GRHL2: variants seen among roughly 807,000 people sequenced by gnomAD.
GRHL2 encodes grainyhead-like protein 2 homolog.
In GRHL2, 21 loss-of-function variants were observed where a neutral mutation model predicts 83.8. The observed-to-expected ratio is 0.25, with a 90% CI of 0.18 to 0.36. The LOEUF (loss-of-function observed/expected upper bound fraction) is 0.36. Among genes scored for constraint, GRHL2 ranks in the 10% least tolerant of loss-of-function variants. GRHL2 has a pLI of 1.00. For missense variants in GRHL2, 623 were observed against 781.8 expected, an observed-to-expected ratio of 0.80 and a Z score of 2.42; for synonymous variants, 280 against 278.9, an observed-to-expected ratio of 1.00 and a Z score of -0.04.
chr8:101,563,935 G>A (rs1811660880), intron 4 of GRHL2, among the ~76,000 whole-genome samples: 1 of 152,170 alleles, frequency 6.6e-6, no homozygotes, highest in South Asian at 2.1e-4. Context: ...TATTCCATTA[G>A]TCACAGAAGA....
intron 14 of GRHL2, among the ~76,000 whole-genome samples, chr8:101,654,068 A>G (rs554084575): frequency 6.6e-5 from 10 of 152,330 alleles, no homozygotes; most frequent in African/African-American, 2.4e-4. Flanking sequence ...ACCGCATCGC[A>G]GCGGATTTTA....
Position 101,658,129 on chromosome 8 carries a change from G to C in GRHL2, c.1699-6325G>C, listed in dbSNP as rs1297367922. Among the ~76,000 whole-genome samples, 4 of 152,200 alleles carry C rather than the reference G, an allele frequency of 2.6e-5. No homozygotes were observed. The South Asian group carries it at 6.2e-4, about 24-fold the overall frequency. On this transcript the variant is annotated intron_variant, in intron 14 of 15. Coordinates refer to ENST00000646743, the MANE Select transcript of GRHL2 (RefSeq NM_024915.4). The stretch of plus-strand genomic sequence containing the variant: ...CATGCAGGCAGGGAACACTGTCCCA[G>C]GGTGGCACATTTGCAAGCTGCCTTT...
chr8:101,546,720 T>A (rs1454716992), intron 2 of GRHL2, among the ~76,000 whole-genome samples: 1 of 152,150 alleles, frequency 6.6e-6, no homozygotes, highest in Non-Finnish European at 1.5e-5. Flanking sequence ...AGTCCATAAT[T>A]AGTAATTTAT....
Position 101,612,349 on chromosome 8 carries a change from G to A in GRHL2, c.1099-7190G>A, listed in dbSNP as rs113218598. 1.1e-3 allele frequency among the ~76,000 whole-genome samples: 160 copies of A among 150,842 alleles called. 13 individuals carry two copies. Among genetic ancestry groups the A allele is most frequent in the Middle Eastern group, 6.8e-3 (2 of 292 alleles). On this transcript the variant is annotated intron_variant, in intron 8 of 15. Coordinates refer to ENST00000646743, the MANE Select transcript of GRHL2 (RefSeq NM_024915.4). ...AGTATTCAATTTAATATCTAATTAC[G>A]TACCTTCTACAACAGTGAATACTGT...
chr8:101,638,501 C>T (rs1185430695), intron 12 of GRHL2, among the ~76,000 whole-genome samples: 2 of 152,180 alleles, frequency 1.3e-5, no homozygotes, highest in African/African-American at 2.4e-5. Context: ...GGCTTCTTTG[C>T]TGCTACAGCA....
chr8:101,516,316 C>T (rs893555102), intron 1 of GRHL2, among the ~76,000 whole-genome samples: 4 of 151,786 alleles, frequency 2.6e-5, no homozygotes, highest in African/African-American at 7.2e-5. Context: ...TCAAATCATA[C>T]TTAAAACAAT....
At chr8:101,608,273 G>C (rs1586139934) in intron 8 of GRHL2, among the ~76,000 whole-genome samples, 1 of 152,206 alleles carries the variant, frequency 6.6e-6, no homozygotes, top group African/African-American at 2.4e-5. Flanking sequence ...CTAACCTTAG[G>C]CTGTCTGGTT....
At chr8:101,677,676 T>C in the GRHL2 span, among the ~76,000 whole-genome samples, 1 of 152,070 alleles carries the variant, frequency 6.6e-6, no homozygotes, top group Admixed American at 6.5e-5. Flanking sequence ...TTTAAGGAAC[T>C]ATACAATGTC....
In GRHL2 at chr8:101,577,484, G is replaced by A. The variant is rs140348170; in HGVS notation, c.968G>A (p.Arg323Gln). The A allele has an allele frequency of 1.2e-6, 2 of 1,613,964 alleles. No individual in the cohort carries two copies. The highest frequency in any genetic ancestry group is 1.7e-6 in the Non-Finnish European group (2 of 1,179,898). ...QLKYWKYWHS[R>Q]QHTAKQRVLD... Reference sequence around the variant, plus strand: ...AAATACTGGAAATACTGGCACTCTCGGCAGCATACGGCGAAGCAGAGGGTC... The same window carrying A: ...AAATACTGGAAATACTGGCACTCTCAGCAGCATACGGCGAAGCAGAGGGTC... The change falls in exon 7 of 16, where the codon CGG (arginine) becomes CAG (glutamine). Residue 323 changes from arginine (R) to glutamine (Q), a missense_variant. Around this residue, in one of 8 missense-constraint regions of GRHL2, gnomAD observed 96 missense variants for 144.8 expected, o/e 0.66. Transcript: ENST00000646743.
At chr8:101,657,788 G>A (rs1171577252) in intron 14 of GRHL2, among the ~76,000 whole-genome samples, 1 of 151,124 alleles carries the variant, frequency 6.6e-6, no homozygotes, top group South Asian at 2.1e-4. Context: ...TGCAGTGAGC[G>A]GAGATCCCGC....
At chr8:101,657,421 T>G (rs926731722) in intron 14 of GRHL2, among the ~76,000 whole-genome samples, 1 of 152,162 alleles carries the variant, frequency 6.6e-6, no homozygotes, top group Non-Finnish European at 1.5e-5. Flanking sequence ...TGATGAGATA[T>G]CTCCAAGATC....
intron 3 of GRHL2, among the ~76,000 whole-genome samples, chr8:101,556,898 T>A (rs1230144014): frequency 6.6e-6 from 1 of 152,204 alleles, no homozygotes; most frequent in Admixed American, 6.5e-5. Context: ...CTTTTTTCTT[T>A]TTGTGTTTTA....
chr8:101,514,161 A>G (rs1810522080), intron 1 of GRHL2, among the ~76,000 whole-genome samples: 1 of 152,140 alleles, frequency 6.6e-6, no homozygotes, highest in Non-Finnish European at 1.5e-5. Context: ...TTACATGCTC[A>G]TACCCATATG....
At chr8:101,633,430 C>T (rs1034175990) in intron 11 of GRHL2, among the ~76,000 whole-genome samples, 2 of 152,108 alleles carry the variant, frequency 1.3e-5, no homozygotes, top group Non-Finnish European at 2.9e-5. Context: ...TGGAATTGAC[C>T]TTGGTGTAGA....
At position 101,552,712 on chromosome 8, in the gene GRHL2, C is replaced by T; in HGVS notation, c.217-3C>T. The T allele has an allele frequency of 6.2e-7, 1 of 1,613,952 alleles. No homozygotes were observed. The highest frequency in any genetic ancestry group is 8.5e-7 in the Non-Finnish European group (1 of 1,179,896). ...TCTGACTGATGGTTGGTGATGTTTC[C>T]AGGTTCCTCGAGACAAGAGGCTGCT... On this transcript the variant is annotated splice_polypyrimidine_tract_variant and splice_region_variant and intron_variant, in intron 2 of 15. Transcript: ENST00000646743.
chr8:101,637,242 A>T lies in GRHL2; in HGVS notation c.1517+314A>T, dbSNP rs567909770. Among the ~76,000 whole-genome samples, 176 of 152,318 alleles carry T rather than the reference A, an allele frequency of 1.2e-3. 2 individuals carry two copies. The highest frequency in any genetic ancestry group is 3.9e-3 in the African/African-American group (164 of 41,570). On this transcript the variant is annotated intron_variant, in intron 12 of 15. Coordinates refer to ENST00000646743, the MANE Select transcript of GRHL2 (RefSeq NM_024915.4). The stretch of plus-strand genomic sequence containing the variant: ...CTTTCATCAATAATCCAGTTGGTGA[A>T]ATCTTCTCAGTAGTCCTTCTTACCT...
rs866235388 is a variant in GRHL2, at chr8:101,591,148, A to G, written c.1004-7909A>G. On this transcript the variant is annotated intron_variant, in intron 7 of 15. Transcript: ENST00000646743. ...TATGCAAAAGATAAAAAATAAAAAAATAACAAAAGGATTCACCATAACAAT... is the reference window on the plus strand; with the variant it reads ...TATGCAAAAGATAAAAAATAAAAAAGTAACAAAAGGATTCACCATAACAAT... Among the ~76,000 whole-genome samples the G allele has an allele frequency of 3.3e-5, 5 of 152,268 alleles. No homozygotes were observed. In the South Asian group the frequency reaches 1.0e-3, roughly 32 times the overall value.
intron 1 of GRHL2, among the ~76,000 whole-genome samples, chr8:101,511,475 G>A (rs1163049212): frequency 6.6e-6 from 1 of 152,110 alleles, no homozygotes; most frequent in Non-Finnish European, 1.5e-5. Context: ...AGGCTCTCGA[G>A]TAGCTGGGAC....
intron 13 of GRHL2, among the ~76,000 whole-genome samples, chr8:101,648,003 T>C (rs1314210503): frequency 6.6e-6 from 1 of 151,956 alleles, no homozygotes; most frequent in African/African-American, 2.4e-5. Flanking sequence ...GTTGGCAGGG[T>C]TTTTTGCCTT....
Sources: allele counts gnomAD v4.1 joint callset (sites outside exome capture counted in the v4.1 genomes callset), GRCh38; gene constraint gnomAD v4.1.1; regional missense constraint gnomAD v4.1.1; transcripts MANE v1.5; gene names NCBI Gene and HGNC (gene_info 2026-07-23, HGNC 2026-07-21).